The following POMP variants were observed in gnomAD, a reference collection of about 807,000 sequenced individuals.
POMP encodes the protein 2510048O06Rik.
A neutral mutation model predicts 20.6 loss-of-function variants in POMP; 12 were observed. That is an observed-to-expected ratio of 0.58 (90% CI 0.37 to 0.94). The LOEUF (loss-of-function observed/expected upper bound fraction) is 0.94, where lower values mean the gene tolerates loss of function less well. POMP is among the 40% of genes least tolerant of loss of function. The pLI is 0.01. For missense variants in POMP, 136 were observed against 161.1 expected, an observed-to-expected ratio of 0.84 and a Z score of 0.84; for synonymous variants, 53 against 55.0, an observed-to-expected ratio of 0.96 and a Z score of 0.16.
In POMP at chr13:28,670,813, G is replaced by A. The variant is rs1156385077; in HGVS notation, c.265-1526G>A. Among the ~76,000 whole-genome samples, 3 of 152,162 alleles carry A rather than the reference G, an allele frequency of 2.0e-5. No homozygotes were observed. In the South Asian group the frequency reaches 6.2e-4, roughly 32 times the overall value. ...TGTAATCCCAGCACTTTGGGAGGCC[G>A]AGGCAGATGGATCACCTGAGGTCAG... is the stretch of plus-strand genomic sequence containing the variant. On this transcript the variant is annotated intron_variant, in intron 4 of 5. Coordinates refer to ENST00000380842, the MANE Select transcript of POMP (RefSeq NM_015932.6).
intron 2 of POMP, among the ~76,000 whole-genome samples, chr13:28,662,806 G>T (rs1271432985): frequency 6.6e-6 from 1 of 152,116 alleles, no homozygotes; most frequent in Non-Finnish European, 1.5e-5. Flanking sequence ...TTGCCTTCTT[G>T]TCTTAACTAT....
chr13:28,672,538 T>A, intron 5 of POMP, 106 bp downstream of exon 5: 1 of 839,130 alleles, frequency 1.2e-6, no homozygotes, highest in Non-Finnish European at 2.1e-6. Flanking sequence ...TACAGCTGAT[T>A]GGGTTCACTT....
chr13:28,664,345 C>T (rs542741869), intron 2 of POMP, among the ~76,000 whole-genome samples, 164 bp from the exon 3 acceptor site: 1 of 151,510 alleles, frequency 6.6e-6, no homozygotes, highest in African/African-American at 2.4e-5. Context: ...GAATTTTTAG[C>T]ACATGTATCA....
chr13:28,676,077 T>A (rs1457370415), intron 5 of POMP, among the ~76,000 whole-genome samples: 1 of 152,126 alleles, frequency 6.6e-6, no homozygotes, highest in East Asian at 1.9e-4. Flanking sequence ...CGATCTCTGC[T>A]CACTGCAAGC....
chr13:28,673,316 G>T (rs546864636), intron 5 of POMP, among the ~76,000 whole-genome samples: 2 of 152,186 alleles, frequency 1.3e-5, no homozygotes, highest in South Asian at 4.2e-4. Flanking sequence ...TGATCTGCCC[G>T]CCTCGGCCTC....
chr13:28,676,942 C>A (rs1014147039), intron 5 of POMP, among the ~76,000 whole-genome samples: 2 of 152,096 alleles, frequency 1.3e-5, no homozygotes, highest in East Asian at 1.9e-4. Flanking sequence ...GATATGCTGT[C>A]TTTTGGTGCA....
chr13:28,677,280 A>G (rs7332738), intron 5 of POMP, among the ~76,000 whole-genome samples: 6,143 of 152,144 alleles, frequency 0.04, 409 homozygotes, highest in African/African-American at 0.14. Context: ...TAGGAGGTCC[A>G]GTGAGGAAAC....
intron 1 of POMP, among the ~76,000 whole-genome samples, chr13:28,661,638 G>T (rs569106727): frequency 6.6e-5 from 10 of 152,262 alleles, no homozygotes; most frequent in African/African-American, 2.4e-4. Flanking sequence ...TCTGGTGATT[G>T]CGCATTTCAC....
Position 28,678,386 on chromosome 13 carries a change from A to G in POMP, c.*284A>G, listed in dbSNP as rs1370959248. On this transcript the variant is annotated 3_prime_UTR_variant, in exon 6 of 6. Coordinates refer to ENST00000380842, the MANE Select transcript of POMP (RefSeq NM_015932.6). ...ATTATAAAATGATCTACAGGTTTCA[A>G]TTCAACCTGTTTCTAGGTTTTTTTG... 2 of 351,462 alleles carry G rather than the reference A, an allele frequency of 5.7e-6. No homozygotes were observed. Among genetic ancestry groups the G allele is most frequent in the Non-Finnish European group, 1.0e-5 (2 of 190,798 alleles). 21.8% of individuals were successfully genotyped at this position (351,462 alleles called of 1,614,324 possible).
At chr13:28,665,231 T>C (rs1049826672) in intron 3 of POMP, among the ~76,000 whole-genome samples, 6 of 152,176 alleles carry the variant, frequency 3.9e-5, no homozygotes, top group African/African-American at 1.4e-4. Context: ...AATAAACATT[T>C]AGAGGAAGAA....
intron 4 of POMP, among the ~76,000 whole-genome samples, chr13:28,670,239 A>G (rs1331484527): frequency 6.6e-6 from 1 of 152,216 alleles, no homozygotes; most frequent in African/African-American, 2.4e-5. Context: ...CAAGTACAGA[A>G]TAACTCATAA....
In POMP at chr13:28,678,134, A is replaced by G; in HGVS notation, c.*32A>G. The G allele has an allele frequency of 6.3e-7, 1 of 1,579,360 alleles. No homozygotes were observed. Among genetic ancestry groups the G allele is most frequent in the Non-Finnish European group, 8.7e-7 (1 of 1,148,676 alleles). Reference sequence around the variant, plus strand: ...GCTGTTCATGGAAACCGAGGGCTGCATCTTGTTTATAGTCATCTTTGTACT... The same window carrying G: ...GCTGTTCATGGAAACCGAGGGCTGCGTCTTGTTTATAGTCATCTTTGTACT... On this transcript the variant is annotated 3_prime_UTR_variant, in exon 6 of 6. Transcript: ENST00000380842.
intron 5 of POMP, 102 bp from the exon 6 acceptor site, chr13:28,677,931 CTT>C (rs1383593083): frequency 9.9e-6 from 12 of 1,208,668 alleles, no homozygotes; most frequent in Non-Finnish European, 1.4e-5. Context: ...TTTTCTATAA[CTT>C]TAGGTTAGTT....
At chr13:28,663,508 C>T (rs1334997784) in intron 2 of POMP, among the ~76,000 whole-genome samples, 1 of 152,086 alleles carries the variant, frequency 6.6e-6, no homozygotes, top group Non-Finnish European at 1.5e-5. Flanking sequence ...CGGGGTTTCT[C>T]TGTGTTGGTC....
At chr13:28,671,129 C>T (rs1489187819) in intron 4 of POMP, among the ~76,000 whole-genome samples, 2 of 152,130 alleles carry the variant, frequency 1.3e-5, no homozygotes, top group African/African-American at 4.8e-5. Flanking sequence ...ACTCGTTTTC[C>T]AAAGATAAAG....
chr13:28,675,879 C>T (rs1884619572), intron 5 of POMP, among the ~76,000 whole-genome samples: 1 of 152,080 alleles, frequency 6.6e-6, no homozygotes, highest in Non-Finnish European at 1.5e-5. Context: ...TGCCACACAG[C>T]TTTAAACAAC....
chr13:28,668,687 C>T (rs1455218534), intron 4 of POMP, 113 bp downstream of exon 4: 1 of 846,796 alleles, frequency 1.2e-6, no homozygotes, highest in Non-Finnish European at 2.0e-6. Flanking sequence ...TACTTCCCTC[C>T]CCCTTTTTAG....
At chr13:28,667,379 T>TA (rs1173166287) in intron 3 of POMP, among the ~76,000 whole-genome samples, 1 of 152,158 alleles carries the variant, frequency 6.6e-6, no homozygotes, top group Non-Finnish European at 1.5e-5. Flanking sequence ...TCCAGCCACA[T>TA]AGCAAGACCC....
intron 2 of POMP, 24 bp from the exon 3 acceptor site, chr13:28,664,485 G>GTTTT: frequency 8.0e-7 from 1 of 1,257,742 alleles, no homozygotes; most frequent in Non-Finnish European, 1.1e-6. Context: ...TCCTCTAAAT[G>GTTTT]TTTTTTTTTT....
Sources: allele counts gnomAD v4.1 joint callset (sites outside exome capture counted in the v4.1 genomes callset), GRCh38; gene constraint gnomAD v4.1.1; transcripts MANE v1.5; gene names NCBI Gene and HGNC (gene_info 2026-07-23, HGNC 2026-07-21).